SLC16A1: variants seen among roughly 807,000 people sequenced by gnomAD.
The protein encoded by SLC16A1 is monocarboxylate transporter 1.
SLC16A1 carries 11 observed loss-of-function variants against 32.2 expected under a neutral mutation model. The observed-to-expected ratio is 0.34, with a 90% CI of 0.21 to 0.56. The LOEUF is 0.56. Among genes scored for constraint, SLC16A1 ranks in the 20% least tolerant of loss-of-function variants. The pLI, the probability that SLC16A1 is intolerant of heterozygous loss-of-function variation, is 0.87. For synonymous variants in SLC16A1, 231 were observed against 226.8 expected (o/e 1.02, Z -0.17); for missense variants, 435 against 615.0 (o/e 0.71, Z 3.10).
chr1:112,919,198 T>TA (rs1648628033), intron 3 of SLC16A1, among the ~76,000 whole-genome samples: 2 of 147,252 alleles, frequency 1.4e-5, no homozygotes, highest in African/African-American at 5.0e-5. Flanking sequence ...GCCCGGCTCA[T>TA]TTTTTTTTTG....
intron 1 of SLC16A1, among the ~76,000 whole-genome samples, chr1:112,945,918 G>A (rs573019612): frequency 7.9e-5 from 12 of 152,232 alleles, no homozygotes; most frequent in African/African-American, 2.6e-4. Flanking sequence ...CGTGAACCCA[G>A]AGGCGGAGAT....
chr1:112,952,344 C>T (rs1023413222), intron 1 of SLC16A1, among the ~76,000 whole-genome samples: 1 of 152,096 alleles, frequency 6.6e-6, no homozygotes, highest in Admixed American at 6.6e-5. Flanking sequence ...TTTGCACCAA[C>T]CTTACAAGGA....
At chr1:112,954,230 C>A (rs568242702) in intron 1 of SLC16A1, among the ~76,000 whole-genome samples, 71 of 152,230 alleles carry the variant, frequency 4.7e-4, no homozygotes, top group Admixed American at 4.6e-3. Context: ...ATTGAAAACA[C>A]GATGGGAATG....
intron 2 of SLC16A1, 165 bp downstream of exon 2, chr1:112,928,927 A>G: frequency 3.2e-6 from 2 of 626,460 alleles, no homozygotes. Flanking sequence ...AAGAGTTGCT[A>G]TTGTTATCAG....
chr1:112,929,068 G>A, intron 2 of SLC16A1, 24 bp downstream of exon 2: 1 of 1,541,434 alleles, frequency 6.5e-7, no homozygotes, highest in Non-Finnish European at 9.0e-7. Context: ...AAAATTAAAA[G>A]AGCAGGCCTT....
intron 3 of SLC16A1, among the ~76,000 whole-genome samples, chr1:112,919,174 G>T (rs988401866): frequency 2.0e-5 from 3 of 151,848 alleles, no homozygotes; most frequent in Non-Finnish European, 4.4e-5. Flanking sequence ...GGGACTACAG[G>T]CGCCCGCCAC....
chr1:112,944,698 A>G (rs529734672), intron 1 of SLC16A1, among the ~76,000 whole-genome samples: 4 of 152,232 alleles, frequency 2.6e-5, no homozygotes, highest in Admixed American at 1.3e-4. Flanking sequence ...TAATATCAGA[A>G]ACTTCCTTTT....
At chr1:112,939,688 T>C (rs1649437658) in intron 1 of SLC16A1, among the ~76,000 whole-genome samples, 1 of 152,018 alleles carries the variant, frequency 6.6e-6, no homozygotes, top group Non-Finnish European at 1.5e-5. Context: ...GTATTATTAG[T>C]AGGAAGGGGT....
chr1:112,950,434 AATCAATGATCAAATATATAGCTTACG>A (rs1649853117), intron 1 of SLC16A1, among the ~76,000 whole-genome samples: 1 of 152,224 alleles, frequency 6.6e-6, no homozygotes, highest in Non-Finnish European at 1.5e-5. Flanking sequence ...CATATTTTTC[AATCAATGATCAAATATATAGCTTACG>A]ATATCAGTAG....
Position 112,913,703 on chromosome 1 carries a change from CATTCCCTCCTCAA to C in SLC16A1, c.*175_*187del, listed in dbSNP as rs1383533455. ...CTTTCCCCCATCCTTTGCTACCAATCATTCCCTCCTCAAATTCAGGCTATTGGTAAGGAGTCAA... is the reference window on the plus strand; with the variant it reads ...CTTTCCCCCATCCTTTGCTACCAATCATTCAGGCTATTGGTAAGGAGTCAA... On this transcript the variant is annotated 3_prime_UTR_variant, in exon 5 of 5. Coordinates refer to ENST00000369626, the MANE Select transcript of SLC16A1 (RefSeq NM_003051.4). The C allele has an allele frequency of 1.5e-6, 1 of 667,884 alleles. No individual in the cohort carries two copies. Among genetic ancestry groups the C allele is most frequent in the Non-Finnish European group, 2.6e-6 (1 of 381,038 alleles). The allele number at this position is 667,884 out of a possible 1,614,324, so 41.4% of individuals were successfully genotyped here.
chr1:112,948,065 A>G (rs1649761356), intron 1 of SLC16A1, among the ~76,000 whole-genome samples: 1 of 152,048 alleles, frequency 6.6e-6, no homozygotes. Flanking sequence ...CTAAAAATAC[A>G]AAAAATTAGC....
chr1:112,955,785 G>T (rs767392628), intron 1 of SLC16A1: 2 of 152,382 alleles, frequency 1.3e-5, no homozygotes, highest in African/African-American at 4.8e-5. Flanking sequence ...GCCAGGCCTG[G>T]GACCGGCATC....
At position 112,956,171 on chromosome 1, in the gene SLC16A1, C is replaced by T. The variant is rs1253480137; in HGVS notation, c.-181G>A. ...TTGTTCCAGTACCCACGCAGCTAGC[C>T]AGTCACGTCGCAGCTCACCACTTTG... On this transcript the variant is annotated 5_prime_UTR_variant, in exon 1 of 5. Transcript: ENST00000369626. 6.6e-6 allele frequency: 1 copy of T among 152,410 alleles called. No individual in the cohort carries two copies. The highest frequency in any genetic ancestry group is 6.5e-5 in the Admixed American group (1 of 15,276). The allele number at this position is 152,410 out of a possible 1,614,324, so 9.4% of individuals were successfully genotyped here. A position where few individuals can be genotyped will look rare whatever the true frequency, so the allele number is the denominator to read the frequency against.
intron 2 of SLC16A1, chr1:112,923,366 T>C (rs1392621560): frequency 7.2e-6 from 4 of 555,156 alleles, no homozygotes; most frequent in East Asian, 3.4e-5. Context: ...AGGGAGCTGA[T>C]GCTTCCAACC....
chr1:112,947,323 G>A (rs534008622), intron 1 of SLC16A1, among the ~76,000 whole-genome samples: 1 of 152,258 alleles, frequency 6.6e-6, no homozygotes, highest in Non-Finnish European at 1.5e-5. Context: ...GAGTTGTCAG[G>A]ATTATATCAT....
At chr1:112,921,869 G>T in intron 3 of SLC16A1, 121 bp downstream of exon 3, 1 of 1,215,084 alleles carries the variant, frequency 8.2e-7, no homozygotes, top group Non-Finnish European at 1.2e-6. Context: ...TCTTCAAAAT[G>T]ATAATCAAGT....
intron 2 of SLC16A1, among the ~76,000 whole-genome samples, chr1:112,925,210 C>T (rs1018031364): frequency 3.3e-5 from 5 of 152,186 alleles, no homozygotes; most frequent in Middle Eastern, 3.2e-3. Context: ...CAGTCTCCCT[C>T]TGTGGCTGGA....
intron 3 of SLC16A1, among the ~76,000 whole-genome samples, chr1:112,920,208 C>T (rs1466545175): frequency 1.3e-5 from 2 of 152,246 alleles, no homozygotes; most frequent in Non-Finnish European, 2.9e-5. Context: ...CGTGGTCGCT[C>T]ATGCCTGTAA....
intron 1 of SLC16A1, among the ~76,000 whole-genome samples, chr1:112,946,461 C>T (rs1471052913): frequency 6.6e-6 from 1 of 151,458 alleles, no homozygotes; most frequent in Non-Finnish European, 1.5e-5. Context: ...AAATATGAAA[C>T]CAGAAAAAAA....
Sources: gnomAD v4.1 joint callset for allele counts (sites outside exome capture counted in the v4.1 genomes callset) on GRCh38, gnomAD v4.1.1 for gene constraint, MANE v1.5 for transcripts, NCBI Gene and HGNC (gene_info 2026-07-23, HGNC 2026-07-21) for gene names.